Variants in LRRC37A2 observed in about 807,000 individuals in gnomAD.
The protein encoded by LRRC37A2 is leucine rich repeat containing 37 member A2.
A neutral mutation model predicts 68.8 loss-of-function variants in LRRC37A2; 9 were observed. The observed-to-expected ratio is 0.13, with a 90% CI of 0.08 to 0.23. The LOEUF is 0.23. LRRC37A2 is among the 10% of genes least tolerant of loss of function. The pLI, the probability that LRRC37A2 is intolerant of heterozygous loss-of-function variation, is 1.00. For synonymous variants in LRRC37A2, 63 were observed against 367.6 expected (o/e 0.17, Z 9.48); for missense variants, 168 against 950.4 (o/e 0.18, Z 10.82).
chr17:46,721,510 T>A, the LRRC37A2 span: 1 of 949,202 alleles, frequency 1.1e-6, no homozygotes, highest in Non-Finnish European at 1.7e-6. Context: ...AACTTCATAA[T>A]AGAACTGGGC....
At chr17:46,638,927 C>T in the LRRC37A2 span, among the ~76,000 whole-genome samples, 1 of 38,470 alleles carries the variant, frequency 2.6e-5, no homozygotes, top group Non-Finnish European at 4.2e-5. Flanking sequence ...TGCCTAGTAC[C>T]AGTCACTGTT....
At chr17:46,798,500 G>T in the LRRC37A2 span, among the ~76,000 whole-genome samples, 3 of 152,176 alleles carry the variant, frequency 2.0e-5, no homozygotes, top group Non-Finnish European at 2.9e-5. Context: ...GCTTAGGCTT[G>T]TGCCAGCCAT....
chr17:46,744,317 T>C, the LRRC37A2 span, among the ~76,000 whole-genome samples: 2 of 152,242 alleles, frequency 1.3e-5, no homozygotes, highest in Non-Finnish European at 2.9e-5. Context: ...TGCTTAATAT[T>C]CTGAAATATT....
chr17:46,619,761 G>A, the LRRC37A2 span, among the ~76,000 whole-genome samples: 2 of 23,286 alleles, frequency 8.6e-5, no homozygotes, highest in Non-Finnish European at 1.4e-4. Flanking sequence ...GACAGAGCAA[G>A]ACTCCATCTA....
the LRRC37A2 span, among the ~76,000 whole-genome samples, chr17:46,490,261 TG>T: frequency 2.0e-5 from 3 of 151,118 alleles, no homozygotes; most frequent in Non-Finnish European, 4.4e-5. Flanking sequence ...AACAAATGAG[TG>T]TGGCTGTGTT....
chr17:46,544,675 C>T (rs1183078666), intron 8 of LRRC37A2, among the ~76,000 whole-genome samples: 1 of 80,976 alleles, frequency 1.2e-5, no homozygotes, highest in Non-Finnish European at 2.2e-5. Context: ...CCATGCTATA[C>T]TGCCTAAGAT....
chr17:46,976,322 C>CA, the LRRC37A2 span, among the ~76,000 whole-genome samples: 1 of 151,222 alleles, frequency 6.6e-6, no homozygotes, highest in Non-Finnish European at 1.5e-5. Context: ...CACCTGAGGT[C>CA]AGGAGTTCGA....
the LRRC37A2 span, among the ~76,000 whole-genome samples, chr17:46,492,904 G>A: frequency 2.0e-5 from 3 of 149,966 alleles, no homozygotes; most frequent in East Asian, 2.0e-4. Context: ...CCATGTTAGC[G>A]AGGATGGTCT....
chr17:46,900,831 T>C, the LRRC37A2 span, among the ~76,000 whole-genome samples: 1 of 152,078 alleles, frequency 6.6e-6, no homozygotes, highest in Non-Finnish European at 1.5e-5. Flanking sequence ...TATTCATTAC[T>C]GAACACCATC....
At chr17:46,989,042 C>T in the LRRC37A2 span, among the ~76,000 whole-genome samples, 5 of 152,210 alleles carry the variant, frequency 3.3e-5, no homozygotes, top group African/African-American at 1.2e-4. Flanking sequence ...CACTCTGTCC[C>T]TCAGCAGTTT....
At chr17:46,595,431 T>G in the LRRC37A2 span, among the ~76,000 whole-genome samples, 1 of 84,390 alleles carries the variant, frequency 1.2e-5, no homozygotes, top group Non-Finnish European at 1.9e-5. Context: ...GAGTCCAATG[T>G]ATTAAGTATA....
the LRRC37A2 span, among the ~76,000 whole-genome samples, chr17:46,784,807 G>A: frequency 0.015 from 2,095 of 138,906 alleles, 51 homozygotes; most frequent in African/African-American, 0.054. Flanking sequence ...ATGGAGTCTC[G>A]CTCTGTCGCC....
the LRRC37A2 span, among the ~76,000 whole-genome samples, chr17:46,907,295 G>A: frequency 1.3e-5 from 2 of 152,178 alleles, no homozygotes; most frequent in African/African-American, 2.4e-5. Flanking sequence ...TTCCCCAGGC[G>A]GGGCTTCCTT....
the LRRC37A2 span, chr17:46,875,473 C>T: frequency 8.7e-6 from 12 of 1,384,038 alleles, no homozygotes; most frequent in Middle Eastern, 2.0e-4. Flanking sequence ...CATGAAGAGC[C>T]GTGAACTTCA....
the LRRC37A2 span, chr17:46,773,635 G>GCCCCCCCCCCCC: frequency 4.6e-6 from 1 of 218,072 alleles, no homozygotes. Flanking sequence ...CCCCCACCCA[G>GCCCCCCCCCCCC]CCCCTCCCCC....
the LRRC37A2 span, among the ~76,000 whole-genome samples, chr17:46,819,152 C>A: frequency 2.6e-5 from 4 of 152,284 alleles, no homozygotes; most frequent in South Asian, 8.3e-4. This position sits in a 1 kb window ranked among gnomAD's most constrained non-coding sequence, Gnocchi z 5.3. Context: ...TCCAGAAGCC[C>A]CGCTCGGGCA....
rs546824290 is a variant in LRRC37A2 at position 46,543,356 on chromosome 17, A to T, written c.3053+2475A>T. On this transcript the variant is annotated intron_variant, in intron 8 of 14. Transcript: ENST00000576629. The stretch of plus-strand genomic sequence containing the variant: ...TTTACAGTCTCAAAGATTTGTCAGT[A>T]TACTTTAAAACAATCCTGGGAACAG... Among the ~76,000 whole-genome samples, 5 of 150,898 alleles carry T rather than the reference A, an allele frequency of 3.3e-5. No homozygotes were observed. The South Asian group carries it at 1.0e-3, about 31-fold the overall frequency.
At chr17:46,770,151 G>C in the LRRC37A2 span, 1 of 1,414,158 alleles carries the variant, frequency 7.1e-7, no homozygotes, top group Non-Finnish European at 9.3e-7. Flanking sequence ...AGGCCAGGAA[G>C]AGTTGAAGAG....
chr17:47,011,283 C>T, the LRRC37A2 span, among the ~76,000 whole-genome samples: 5 of 152,142 alleles, frequency 3.3e-5, no homozygotes, highest in African/African-American at 1.2e-4. Context: ...GGTGTAGTGG[C>T]TTACACCTGT....
Sources: allele counts gnomAD v4.1 joint callset (sites outside exome capture counted in the v4.1 genomes callset), GRCh38; gene constraint gnomAD v4.1.1; non-coding constraint Gnocchi (gnomAD v3.1); transcripts MANE v1.5; gene names NCBI Gene and HGNC (gene_info 2026-07-23, HGNC 2026-07-21).